The following C2CD3 variants were observed in gnomAD, a reference collection of about 807,000 sequenced individuals.
C2CD3 encodes C2 domain containing 3 centriole elongation regulator, also known as C2 domain-containing protein 3.
C2CD3 carries 148 observed loss-of-function variants against 234.0 expected under a neutral mutation model. The observed-to-expected ratio is 0.63, with a 90% CI of 0.55 to 0.72. C2CD3 has a LOEUF of 0.72. Ranked by LOEUF, C2CD3 falls within the 30% of genes least tolerant of loss-of-function variation. The pLI, the probability that C2CD3 is intolerant of heterozygous loss-of-function variation, is 0.00. For missense variants in C2CD3, 2,577 were observed against 2,811.5 expected (o/e 0.92, Z 1.89); for synonymous variants, 1,000 against 1,035.4 (o/e 0.97, Z 0.66).
chr11:74,032,288 G>A (rs1457976520), intron 31 of C2CD3, among the ~76,000 whole-genome samples: 4 of 152,198 alleles, frequency 2.6e-5, no homozygotes, highest in Non-Finnish European at 5.9e-5. Flanking sequence ...TTCTAGTAGA[G>A]GAAGATCTCT....
intron 1 of C2CD3, 114 bp downstream of exon 1, chr11:74,170,624 C>G: frequency 2.0e-4 from 236 of 1,201,278 alleles, no homozygotes; most frequent in Non-Finnish European, 2.6e-4. Context: ...TCCCTGGCTA[C>G]TTCCTTCTTA....
At chr11:74,099,850 C>G (rs1402362755) in intron 15 of C2CD3, among the ~76,000 whole-genome samples, 1 of 149,830 alleles carries the variant, frequency 6.7e-6, no homozygotes, top group East Asian at 2.0e-4. Flanking sequence ...GAGCCGAGAT[C>G]GTGCCACTGC....
intron 23 of C2CD3, among the ~76,000 whole-genome samples, chr11:74,077,821 ATATATATATATATATATATATATATT>A (rs1415119735): frequency 0.015 from 370 of 24,024 alleles, 60 homozygotes; most frequent in African/African-American, 0.039. Flanking sequence ...ATATATATAT[ATATATATATATATATATATATATATT>A]ATCTCTTTAG....
chr11:74,138,615 A>C, intron 5 of C2CD3, 105 bp downstream of exon 5: 1 of 870,206 alleles, frequency 1.1e-6, no homozygotes, highest in Non-Finnish European at 1.8e-6. Flanking sequence ...TTTTTATTTG[A>C]CTTAGTTCAA....
intron 32 of C2CD3, among the ~76,000 whole-genome samples, chr11:74,026,951 A>G (rs1012940333): frequency 1.1e-3 from 156 of 143,416 alleles, no homozygotes; most frequent in African/African-American, 4.0e-3. Flanking sequence ...AGCTGGCGAC[A>G]GAATAAGCCT....
chr11:74,123,107 C>A lies in C2CD3; in HGVS notation c.1246G>T (p.Asp416Tyr), dbSNP rs771420950. Residue 416 changes from aspartate to tyrosine, a missense_variant, in exon 8 of 33, where the codon GAT (aspartate) becomes TAT (tyrosine). Coordinates refer to ENST00000334126, the MANE Select transcript of C2CD3 (RefSeq NM_001286577.2). ...GAATCTGGAGGAGAGCCTAGCCCATCCCAGAAATTGCCTTGGGATAATTCA... is the reference window on the plus strand; with the variant it reads ...GAATCTGGAGGAGAGCCTAGCCCATACCAGAAATTGCCTTGGGATAATTCA... ...SAELSQGNFW[D>Y]GLGSPPDSPS... 3 of 1,613,198 alleles carry A rather than the reference C, an allele frequency of 1.9e-6. No individual in the cohort carries two copies. The highest frequency in any genetic ancestry group is 1.7e-6 in the Non-Finnish European group (2 of 1,179,230).
At chr11:74,075,273 T>A (rs775537650) in intron 23 of C2CD3, among the ~76,000 whole-genome samples, 3 of 151,082 alleles carry the variant, frequency 2.0e-5, no homozygotes, top group Non-Finnish European at 4.4e-5. Flanking sequence ...CTTCCTCGTG[T>A]CTCATGGGCT....
intron 7 of C2CD3, among the ~76,000 whole-genome samples, chr11:74,127,222 G>A (rs117434541): frequency 0.013 from 2,017 of 152,296 alleles, 22 homozygotes; most frequent in Non-Finnish European, 0.021. Flanking sequence ...GCCCAGGCTG[G>A]TCTTGAACTC....
chr11:74,107,417 T>C (rs1369036310), intron 12 of C2CD3, among the ~76,000 whole-genome samples: 4 of 151,770 alleles, frequency 2.6e-5, no homozygotes, highest in Non-Finnish European at 5.9e-5. Flanking sequence ...TAGTTAACAA[T>C]GAGATATACC....
At chr11:74,067,311 G>T (rs79153010) in intron 24 of C2CD3, among the ~76,000 whole-genome samples, 8,651 of 152,076 alleles carry the variant, frequency 0.057, 790 homozygotes, top group African/African-American at 0.2. Flanking sequence ...GGAGAGAACT[G>T]AGGCATGTAC....
intron 2 of C2CD3, chr11:74,164,262 T>TA: frequency 2.1e-6 from 2 of 966,414 alleles, no homozygotes; most frequent in Non-Finnish European, 1.2e-6. Flanking sequence ...CAAAGACAGG[T>TA]AAAAATCACG....
chr11:74,016,401 C>G (rs574633746), intron 32 of C2CD3, among the ~76,000 whole-genome samples: 1 of 152,324 alleles, frequency 6.6e-6, no homozygotes, highest in Admixed American at 6.5e-5. Context: ...GAGCACAGAC[C>G]TACACCTACT....
rs770745997 is a variant in C2CD3, at chr11:74,106,338, T to A, written c.2085+33A>T. ...CAGCCAATAATGCATACTCAGCAAA[T>A]ACTTCTGACTTCCTGAATGTATATC... On this transcript the variant is annotated intron_variant, in intron 13 of 32. Transcript: ENST00000334126. The A allele has an allele frequency of 2.5e-6, 4 of 1,610,482 alleles. No individual in the cohort carries two copies. In the East Asian group the frequency reaches 6.7e-5, roughly 27 times the overall value.
chr11:74,057,185 A>G (rs145330871), intron 25 of C2CD3, among the ~76,000 whole-genome samples: 3 of 152,358 alleles, frequency 2.0e-5, no homozygotes, highest in Non-Finnish European at 2.9e-5. Context: ...TCACTGAACA[A>G]TTTTTGAGCA....
chr11:74,022,169 G>A (rs746038837), intron 32 of C2CD3, among the ~76,000 whole-genome samples: 3 of 152,100 alleles, frequency 2.0e-5, no homozygotes, highest in Non-Finnish European at 4.4e-5. Flanking sequence ...GGCTAGACAG[G>A]GCAGGGTGAG....
In C2CD3 at chr11:74,092,411, A is replaced by G; in HGVS notation, c.3517+5T>C. On this transcript the variant is annotated splice_donor_5th_base_variant and intron_variant, in intron 19 of 32. Transcript: ENST00000334126. ...AAAGAAAAAGACAAACTTGTTTTCA[A>G]TTACCTGATGACTGGTTCCTCAATT... 6.2e-7 allele frequency: 1 copy of G among 1,611,414 alleles called. No individual in the cohort carries two copies. The highest frequency in any genetic ancestry group is 1.1e-5 in the South Asian group (1 of 90,862).
rs1287690824 is a variant in C2CD3 at position 74,034,203 on chromosome 11, G to A, written c.5957C>T (p.Thr1986Ile). 7 of 1,536,164 alleles carry A rather than the reference G, an allele frequency of 4.6e-6. No homozygotes were observed. Among genetic ancestry groups the A allele is most frequent in the Non-Finnish European group, 5.2e-6 (6 of 1,146,898 alleles). ...TGTGTCCTGAGCATCTGGGAGGGTG[G>A]TGGCCTTGTTGCTTCTACTCCTGGC... Reference protein sequence around the residue: ...HRARSRSNKATTLPDAQDTEA... With the variant: ...HRARSRSNKAITLPDAQDTEA... Residue 1986 changes from threonine to isoleucine, a missense_variant, in exon 31 of 33, where the codon ACC (threonine) becomes ATC (isoleucine). Physicochemically the swap from Thr to Ile is moderately conservative, Grantham distance 89. Transcript: ENST00000334126.
chr11:74,143,551 T>A (rs947433438), intron 3 of C2CD3, among the ~76,000 whole-genome samples: 1 of 144,734 alleles, frequency 6.9e-6, no homozygotes, highest in Non-Finnish European at 1.5e-5. Flanking sequence ...ATATATATAT[T>A]TAATATATAT....
At chr11:74,021,629 T>G (rs1952087529) in intron 32 of C2CD3, among the ~76,000 whole-genome samples, 2 of 152,226 alleles carry the variant, frequency 1.3e-5, no homozygotes, top group African/African-American at 4.8e-5. Flanking sequence ...AGAGATCAAC[T>G]GTGTCACATG....
Sources: gnomAD v4.1 joint callset for allele counts (sites outside exome capture counted in the v4.1 genomes callset) on GRCh38, gnomAD v4.1.1 for gene constraint, MANE v1.5 for transcripts, NCBI Gene and HGNC (gene_info 2026-07-23, HGNC 2026-07-21) for gene names.